The following SAMSN1 variants were observed in gnomAD, a reference collection of about 807,000 sequenced individuals.
SAMSN1 encodes the protein SAM domain, SH3 domain and nuclear localization signals 1, also known as SAM domain-containing protein SAMSN-1.
A neutral mutation model predicts 42.0 loss-of-function variants in SAMSN1; 31 were observed. The observed-to-expected ratio is 0.74, with a 90% CI of 0.55 to 1.00. The LOEUF is 1.00. Among genes scored for constraint, SAMSN1 ranks in the 50% least tolerant of loss-of-function variants. The pLI, the probability that SAMSN1 is intolerant of heterozygous loss-of-function variation, is 0.00. For synonymous variants in SAMSN1, 178 were observed against 151.9 expected (o/e 1.17, Z -1.26); for missense variants, 464 against 439.4 (o/e 1.06, Z -0.50).
chr21:14,623,641 C>T (rs1230467942), intron 2 of SAMSN1, among the ~76,000 whole-genome samples: 3 of 152,146 alleles, frequency 2.0e-5, no homozygotes, highest in African/African-American at 7.2e-5. Context: ...CCTTAGAGAC[C>T]TACAAGGAGA....
chr21:14,635,386 G>A (rs1035861441), intron 2 of SAMSN1, among the ~76,000 whole-genome samples: 2 of 152,134 alleles, frequency 1.3e-5, no homozygotes, highest in Non-Finnish European at 2.9e-5. Flanking sequence ...ATATGAATTA[G>A]TAGGTGAAAA....
At chr21:14,593,763 T>C in intron 7 of SAMSN1, 2 of 302,370 alleles carry the variant, frequency 6.6e-6, no homozygotes. Flanking sequence ...GAAAAATTGC[T>C]AAATTTTAGG....
At chr21:14,582,028 T>C (rs1156680025) in intron 2 of SAMSN1, 1 of 1,128,348 alleles carries the variant, frequency 8.9e-7, no homozygotes, top group African/African-American at 1.6e-5. Flanking sequence ...TCTGGTAACT[T>C]TTCTGAAACT....
At chr21:14,587,767 TTTA>T (rs1243792670), upstream of SAMSN1, among the ~76,000 whole-genome samples, 130 of 139,090 alleles carry the variant, frequency 9.3e-4, no homozygotes, top group Non-Finnish European at 1.8e-3. Context: ...TTATTTATTT[TTTA>T]AATTTTTTTT....
chr21:14,531,795 T>C (rs963221737), intron 1 of SAMSN1, among the ~76,000 whole-genome samples: 17 of 152,186 alleles, frequency 1.1e-4, no homozygotes, highest in African/African-American at 3.9e-4. Flanking sequence ...AAAATCCTTT[T>C]AACCAAATTT....
intron 3 of SAMSN1, among the ~76,000 whole-genome samples, chr21:14,614,849 A>C (rs1462753573): frequency 6.6e-6 from 1 of 152,112 alleles, no homozygotes; most frequent in Admixed American, 6.5e-5. Context: ...AACTCAAAGG[A>C]GTCTTCAATT....
chr21:14,573,525 A>T (rs1568814503), intron 2 of SAMSN1, among the ~76,000 whole-genome samples: 2 of 152,180 alleles, frequency 1.3e-5, no homozygotes, highest in Non-Finnish European at 2.9e-5. Flanking sequence ...ATAGTTGTTC[A>T]GAAATCAAAA....
chr21:14,498,012 T>A (rs1351605790), intron 7 of SAMSN1, among the ~76,000 whole-genome samples: 1 of 152,230 alleles, frequency 6.6e-6, no homozygotes, highest in Non-Finnish European at 1.5e-5. Flanking sequence ...TGTGACTATG[T>A]GGTCATAAAA....
chr21:14,605,977 G>A (rs1376874194), intron 5 of SAMSN1, among the ~76,000 whole-genome samples: 1 of 151,824 alleles, frequency 6.6e-6, no homozygotes, highest in Non-Finnish European at 1.5e-5. Flanking sequence ...TAGTAGCTGG[G>A]ACTACAGGCG....
At position 14,623,790 on chromosome 21, in the gene SAMSN1, C is replaced by T. The variant is rs1983084904; in HGVS notation, c.157-7774G>A. 2.0e-5 allele frequency among the ~76,000 whole-genome samples: 3 copies of T among 152,172 alleles called. No homozygotes were observed. In the South Asian group the frequency reaches 6.2e-4, roughly 32 times the overall value. On this transcript the variant is annotated intron_variant, in intron 2 of 15. Transcript: ENST00000647101. The stretch of plus-strand genomic sequence containing the variant: ...ACCAAGCGGGCCTAATAGACATCTA[C>T]AGAACTCTCCACCCCAATTCAACAG...
At chr21:14,628,485 T>C (rs894689588) in intron 2 of SAMSN1, among the ~76,000 whole-genome samples, 10 of 152,118 alleles carry the variant, frequency 6.6e-5, no homozygotes, top group African/African-American at 2.4e-4. Flanking sequence ...AATTTTTCAG[T>C]GTATCTAAGG....
At chr21:14,528,296 C>T (rs1252946626) in intron 1 of SAMSN1, among the ~76,000 whole-genome samples, 1 of 152,008 alleles carries the variant, frequency 6.6e-6, no homozygotes, top group Non-Finnish European at 1.5e-5. Flanking sequence ...TAAATAAGTA[C>T]CACTAAAATA....
upstream of SAMSN1, among the ~76,000 whole-genome samples, chr21:14,547,123 C>A (rs956927589): frequency 6.6e-6 from 1 of 152,126 alleles, no homozygotes; most frequent in Non-Finnish European, 1.5e-5. Context: ...ATGGATTAGA[C>A]CCATTCTAAA....
chr21:14,607,123 C>T (rs1187523194), intron 5 of SAMSN1, among the ~76,000 whole-genome samples: 2 of 152,064 alleles, frequency 1.3e-5, no homozygotes, highest in African/African-American at 2.4e-5. Flanking sequence ...GCCATCTTTA[C>T]AATTTCATTA....
At chr21:14,493,495 A>G (rs1163702403) in intron 7 of SAMSN1, among the ~76,000 whole-genome samples, 1 of 152,026 alleles carries the variant, frequency 6.6e-6, no homozygotes, top group East Asian at 1.9e-4. Context: ...TTTACTATAA[A>G]CAACAGTAAA....
chr21:14,587,615 C>T (rs1013586711), upstream of SAMSN1, among the ~76,000 whole-genome samples: 4 of 152,224 alleles, frequency 2.6e-5, no homozygotes, highest in Non-Finnish European at 4.4e-5. Context: ...TGCACACATA[C>T]CACTTTTAAT....
chr21:14,637,230 A>G (rs1332375941), intron 2 of SAMSN1, among the ~76,000 whole-genome samples: 2 of 152,202 alleles, frequency 1.3e-5, no homozygotes, highest in African/African-American at 4.8e-5. Flanking sequence ...GACTGATTGC[A>G]CTTAAACCAT....
chr21:14,595,036 G>C (rs143324086), intron 6 of SAMSN1, among the ~76,000 whole-genome samples: 1 of 152,078 alleles, frequency 6.6e-6, no homozygotes, highest in Non-Finnish European at 1.5e-5. Context: ...GAATGAAGGC[G>C]GAGGGGCTAC....
chr21:14,624,112 G>A (rs1292338476), intron 2 of SAMSN1, among the ~76,000 whole-genome samples: 2 of 152,130 alleles, frequency 1.3e-5, no homozygotes, highest in Non-Finnish European at 1.5e-5. Flanking sequence ...GAATCTCTGG[G>A]ACACATTTAA....
Sources: allele counts gnomAD v4.1 joint callset (sites outside exome capture counted in the v4.1 genomes callset), GRCh38; gene constraint gnomAD v4.1.1; transcripts MANE v1.5; gene names NCBI Gene and HGNC (gene_info 2026-07-23, HGNC 2026-07-21).